Variants in LRBA observed in about 807,000 individuals in gnomAD.
LRBA encodes lipopolysaccharide-responsive and beige-like anchor protein.
LRBA carries 176 observed loss-of-function variants against 330.0 expected under a neutral mutation model. The observed-to-expected ratio is 0.53, with a 90% confidence interval of 0.47 to 0.60. The LOEUF (loss-of-function observed/expected upper bound fraction) is 0.60, where lower values mean the gene tolerates loss of function less well. LRBA is among the 20% of genes least tolerant of loss of function. LRBA has a pLI of 0.00. For synonymous variants in LRBA, 1,230 were observed against 1,193.0 expected (o/e 1.03, Z -0.64); for missense variants, 3,259 against 3,444.8 (o/e 0.95, Z 1.35).
At chr4:150,287,074 ATAAC>A (rs140613544) in intron 53 of LRBA, among the ~76,000 whole-genome samples, 2,617 of 152,360 alleles carry the variant, frequency 0.017, 44 homozygotes, top group South Asian at 0.032. Context: ...AGTATGCTTG[ATAAC>A]TAACACTGTG....
At chr4:150,489,091 G>T (rs1333312132) in intron 41 of LRBA, among the ~76,000 whole-genome samples, 8 of 22,170 alleles carry the variant, frequency 3.6e-4, no homozygotes, top group African/African-American at 9.0e-4. Flanking sequence ...TATTATATAA[G>T]AATATACAAT....
chr4:150,684,255 T>C (rs1055123253), intron 36 of LRBA, among the ~76,000 whole-genome samples: 1 of 152,160 alleles, frequency 6.6e-6, no homozygotes, highest in Non-Finnish European at 1.5e-5. Context: ...AGAAGTGAAG[T>C]TGGCAGTTAT....
At chr4:150,579,161 G>C (rs1256698066) in intron 40 of LRBA, 2 of 452,880 alleles carry the variant, frequency 4.4e-6, no homozygotes, top group South Asian at 1.6e-5. Flanking sequence ...TGCAGAAGGA[G>C]CTGCCAGTTC....
intron 36 of LRBA, among the ~76,000 whole-genome samples, chr4:150,715,749 G>A (rs1036538338): frequency 6.6e-6 from 1 of 152,120 alleles, no homozygotes; most frequent in African/African-American, 2.4e-5. Flanking sequence ...ATGTATTCAG[G>A]AACTGATTAA....
chr4:150,543,563 T>G (rs1217370119), intron 40 of LRBA, among the ~76,000 whole-genome samples: 2 of 152,202 alleles, frequency 1.3e-5, no homozygotes, highest in African/African-American at 4.8e-5. Flanking sequence ...AAACTTATTT[T>G]CTGAATAGAA....
chr4:151,009,983 A>AAAATAAAT (rs70941466), intron 2 of LRBA, among the ~76,000 whole-genome samples: 10 of 151,092 alleles, frequency 6.6e-5, no homozygotes, highest in South Asian at 2.1e-4. Flanking sequence ...CCATCTCAAA[A>AAAATAAAT]AAATAAATAA....
intron 41 of LRBA, 23 bp from the exon 42 acceptor site, chr4:150,487,857 A>C (rs1298282588): frequency 5.9e-6 from 8 of 1,360,282 alleles, no homozygotes; most frequent in Non-Finnish European, 8.3e-6. Flanking sequence ...ATTTTTAAAA[A>C]TTAGAACACA....
At chr4:150,627,908 C>T (rs1777010823) in intron 37 of LRBA, among the ~76,000 whole-genome samples, 1 of 152,010 alleles carries the variant, frequency 6.6e-6, no homozygotes, top group Admixed American at 6.6e-5. Context: ...GGTCCATTAT[C>T]AGATGGAATG....
At chr4:150,516,231 T>A (rs1451949645) in intron 40 of LRBA, among the ~76,000 whole-genome samples, 2 of 131,260 alleles carry the variant, frequency 1.5e-5, no homozygotes, top group Non-Finnish European at 3.3e-5. Flanking sequence ...TTTTTTTTTT[T>A]TTTTTTTTTT....
chr4:150,687,346 G>A (rs566396756), intron 36 of LRBA, among the ~76,000 whole-genome samples: 269 of 152,150 alleles, frequency 1.8e-3, no homozygotes, highest in South Asian at 2.5e-3. Context: ...TGGAGGTTGA[G>A]TGGAGGTACA....
At chr4:150,417,504 TAATTA>T (rs1232980924) in intron 46 of LRBA, among the ~76,000 whole-genome samples, 1 of 152,192 alleles carries the variant, frequency 6.6e-6, no homozygotes, top group Non-Finnish European at 1.5e-5. Flanking sequence ...AGCATTTGCT[TAATTA>T]AATACTAATT....
At chr4:150,739,530 C>G (rs1582201564) in intron 35 of LRBA, among the ~76,000 whole-genome samples, 2 of 152,286 alleles carry the variant, frequency 1.3e-5, no homozygotes, top group Middle Eastern at 3.4e-3. Context: ...CTGGTATCCA[C>G]AGCATTATGT....
At chr4:150,792,807 A>T (rs1358345141) in intron 34 of LRBA, among the ~76,000 whole-genome samples, 3 of 152,208 alleles carry the variant, frequency 2.0e-5, no homozygotes, top group Non-Finnish European at 4.4e-5. Context: ...GGGGCCGGGC[A>T]CAGTGGCTCA....
Position 150,683,608 on chromosome 4 carries a change from T to G in LRBA, c.5864A>C (p.Gln1955Pro). The G allele has an allele frequency of 6.2e-7, 1 of 1,613,976 alleles. No individual in the cohort carries two copies. The highest frequency in any genetic ancestry group is 1.3e-5 in the African/African-American group (1 of 75,026). Residue 1955 changes from glutamine to proline, a missense_variant, in exon 37 of 57, where the codon CAG becomes CCG. By Grantham distance (76) the Gln-to-Pro change is moderately conservative. Transcript: ENST00000651943. ...RDHVTATQLI[Q>P]KIINILTDKH... The stretch of plus-strand genomic sequence containing the variant: ...GTCTGTGAGAATGTTGATAATTTTC[T>G]GGATTAGTTGAGTTGCTGTCACGTG...
intron 30 of LRBA, among the ~76,000 whole-genome samples, chr4:150,826,563 G>T: frequency 6.6e-6 from 1 of 152,156 alleles, no homozygotes; most frequent in East Asian, 1.9e-4. Context: ...CCTTTTTCTG[G>T]ATTGGTTCTA....
chr4:150,618,534 C>A (rs144515393), intron 37 of LRBA, among the ~76,000 whole-genome samples: 1 of 151,946 alleles, frequency 6.6e-6, no homozygotes, highest in Non-Finnish European at 1.5e-5. Context: ...TCTTTGGAAA[C>A]CTGGAATAGT....
chr4:150,406,237 G>A (rs1049586804), intron 47 of LRBA, among the ~76,000 whole-genome samples: 7 of 151,928 alleles, frequency 4.6e-5, no homozygotes, highest in Admixed American at 1.3e-4. Context: ...TTAATAAAAT[G>A]GTAGACATGA....
intron 2 of LRBA, among the ~76,000 whole-genome samples, chr4:150,953,826 A>C (rs1345556103): frequency 7.6e-6 from 1 of 131,130 alleles, no homozygotes; most frequent in African/African-American, 2.9e-5. Flanking sequence ...GCCGCCCATC[A>C]TCTGGGATGT....
chr4:150,921,056 C>G, intron 5 of LRBA, 142 bp downstream of exon 5: 1 of 525,416 alleles, frequency 1.9e-6, no homozygotes, highest in Non-Finnish European at 3.5e-6. Context: ...AAGTAACATG[C>G]ACGACTATCA....
Sources: allele counts gnomAD v4.1 joint callset (sites outside exome capture counted in the v4.1 genomes callset), GRCh38; gene constraint gnomAD v4.1.1; transcripts MANE v1.5; gene names NCBI Gene and HGNC (gene_info 2026-07-23, HGNC 2026-07-21).